Variants in RGL1 observed in about 807,000 individuals in gnomAD.
RGL1 encodes ral guanine nucleotide dissociation stimulator-like 1.
RGL1 carries 24 observed loss-of-function variants against 95.2 expected under a neutral mutation model. The observed-to-expected ratio is 0.25, with a 90% CI of 0.18 to 0.35. The LOEUF (loss-of-function observed/expected upper bound fraction) is 0.35, where lower values mean the gene tolerates loss of function less well. Ranked by LOEUF, RGL1 falls within the 10% of genes least tolerant of loss-of-function variation. The pLI, the probability that RGL1 is intolerant of heterozygous loss-of-function variation, is 1.00. For missense variants in RGL1, 715 were observed against 936.3 expected (o/e 0.76, Z 3.08); for synonymous variants, 329 against 344.9 (o/e 0.95, Z 0.51).
At chr1:183,709,765 C>T (rs955301056) in intron 1 of RGL1, 17 of 213,226 alleles carry the variant, frequency 8.0e-5, no homozygotes, top group Non-Finnish European at 1.3e-4. Flanking sequence ...CATAATCAGG[C>T]CCCCTCTGTG....
chr1:183,926,330 AGT>A lies in RGL1; in HGVS notation c.*40_*41del. The A allele has an allele frequency of 6.4e-7, 1 of 1,557,264 alleles. No individual in the cohort carries two copies. Among genetic ancestry groups the A allele is most frequent in the Non-Finnish European group, 8.7e-7 (1 of 1,145,840 alleles). ...GTGGCCCCTTGTTTGCCAAAGGCAG[AGT>A]GGGGCTGAGAAACAGGCTGCGGTGA... On this transcript the variant is annotated 3_prime_UTR_variant, in exon 18 of 18. Coordinates refer to ENST00000360851, the MANE Select transcript of RGL1 (RefSeq NM_001297671.3).
intron 2 of RGL1, among the ~76,000 whole-genome samples, chr1:183,780,712 C>T (rs948755249): frequency 6.6e-6 from 1 of 152,206 alleles, no homozygotes; most frequent in African/African-American, 2.4e-5. Flanking sequence ...GTGATACTTT[C>T]AGCGCGGTGG....
In RGL1 at chr1:183,888,521, G is replaced by C. The variant is rs375471211; in HGVS notation, c.999G>C (p.Ser333=). 3.1e-6 allele frequency: 5 copies of C among 1,613,336 alleles called. No individual in the cohort carries two copies. Among genetic ancestry groups the C allele is most frequent in the South Asian group, 1.1e-5 (1 of 91,026 alleles). ...TTTCCTCCTTGAGGGCCATCGTTTC[G>C]GCACTGCAGTCTAATTCCATCTATC... is the stretch of plus-strand genomic sequence containing the variant. The part of the protein sequence containing the change: ...KNFSSLRAIV[S]ALQSNSIYRL... Residue 333 remains serine (S), a synonymous_variant, in exon 8 of 18, where the codon TCG becomes TCC. Transcript: ENST00000360851.
intron 1 of RGL1, among the ~76,000 whole-genome samples, chr1:183,636,713 G>C (rs1043475432): frequency 6.6e-6 from 1 of 152,152 alleles, no homozygotes; most frequent in Admixed American, 6.5e-5. Flanking sequence ...GTGGAAACCA[G>C]ACCTTTAAGA....
chr1:183,666,490 A>T (rs1367151936), intron 1 of RGL1, among the ~76,000 whole-genome samples: 4 of 152,078 alleles, frequency 2.6e-5, no homozygotes, highest in Admixed American at 2.0e-4. Context: ...ATTTCCAAGT[A>T]TTTTGGAATT....
intron 1 of RGL1, among the ~76,000 whole-genome samples, chr1:183,707,895 A>G (rs1655017961): frequency 6.6e-6 from 1 of 151,954 alleles, no homozygotes; most frequent in African/African-American, 2.4e-5. Context: ...GGGAGGAGGA[A>G]GGCGATCTGG....
intron 2 of RGL1, among the ~76,000 whole-genome samples, chr1:183,763,037 A>G (rs996429705): frequency 3.7e-4 from 57 of 152,262 alleles, no homozygotes; most frequent in Non-Finnish European, 7.1e-4. Context: ...TGTCACACAT[A>G]TACCATGGAA....
chr1:183,869,713 T>G (rs1666051444), intron 4 of RGL1, among the ~76,000 whole-genome samples: 1 of 152,222 alleles, frequency 6.6e-6, no homozygotes, highest in Non-Finnish European at 1.5e-5. Flanking sequence ...CTCCTGATCA[T>G]TTCTGTGCCT....
chr1:183,822,131 T>TTACATGGGCCTTG (rs1053673134), intron 2 of RGL1, among the ~76,000 whole-genome samples: 9 of 151,968 alleles, frequency 5.9e-5, no homozygotes, highest in Non-Finnish European at 1.3e-4. Flanking sequence ...GTTTATGGGG[T>TTACATGGGCCTTG]TACATGGGCC....
At chr1:183,882,819 C>A (rs1666900744) in intron 5 of RGL1, among the ~76,000 whole-genome samples, 1 of 152,184 alleles carries the variant, frequency 6.6e-6, no homozygotes. Context: ...GCCCAATAGT[C>A]TTTAATTCTA....
intron 2 of RGL1, among the ~76,000 whole-genome samples, chr1:183,837,554 T>G (rs1039185225): frequency 6.6e-6 from 1 of 150,934 alleles, no homozygotes; most frequent in African/African-American, 2.4e-5. Flanking sequence ...CTCCTCTCCC[T>G]CCGTGCAACT....
chr1:183,842,307 T>G (rs1454303740), intron 2 of RGL1, among the ~76,000 whole-genome samples: 1 of 148,702 alleles, frequency 6.7e-6, no homozygotes, highest in Non-Finnish European at 1.5e-5. Flanking sequence ...ATCAGATGAC[T>G]GAATTATTAT....
intron 1 of RGL1, among the ~76,000 whole-genome samples, chr1:183,669,420 A>G (rs1186118287): frequency 1.3e-5 from 2 of 152,022 alleles, no homozygotes; most frequent in African/African-American, 4.8e-5. Context: ...TACTTTTTCC[A>G]TTAAAGTCCT....
chr1:183,800,910 C>T (rs537277135), upstream of RGL1, among the ~76,000 whole-genome samples: 1 of 152,126 alleles, frequency 6.6e-6, no homozygotes. Context: ...GTCGCTTCCA[C>T]CTCTTGGCTA....
intron 2 of RGL1, among the ~76,000 whole-genome samples, chr1:183,824,078 A>G (rs1217810143): frequency 6.6e-6 from 1 of 151,168 alleles, no homozygotes; most frequent in Non-Finnish European, 1.5e-5. Context: ...ATGAGCCACT[A>G]TACCTGGCTG....
intron 4 of RGL1, among the ~76,000 whole-genome samples, chr1:183,876,575 A>G (rs998368589): frequency 3.3e-5 from 5 of 152,238 alleles, no homozygotes; most frequent in African/African-American, 1.2e-4. Flanking sequence ...TTATGTCACA[A>G]TTGTAATCAT....
chr1:183,754,248 G>A (rs1277455107), intron 2 of RGL1, among the ~76,000 whole-genome samples: 1 of 151,982 alleles, frequency 6.6e-6, no homozygotes. Context: ...TGATGCTGAG[G>A]GAATCACATT....
At chr1:183,886,894 C>T (rs377606850) in intron 7 of RGL1, among the ~76,000 whole-genome samples, 5 of 152,048 alleles carry the variant, frequency 3.3e-5, no homozygotes, top group Non-Finnish European at 5.9e-5. Context: ...TGCATCACAT[C>T]TCCTGGAAGA....
intron 1 of RGL1, among the ~76,000 whole-genome samples, chr1:183,714,045 G>A (rs568604782): frequency 2.5e-4 from 38 of 152,274 alleles, no homozygotes; most frequent in Admixed American, 5.2e-4. Context: ...CTTAAGCCAC[G>A]AGAAATATGG....
Sources: allele counts gnomAD v4.1 joint callset (sites outside exome capture counted in the v4.1 genomes callset), GRCh38; gene constraint gnomAD v4.1.1; transcripts MANE v1.5; gene names NCBI Gene and HGNC (gene_info 2026-07-23, HGNC 2026-07-21).